Variants in APP observed in about 807,000 individuals in gnomAD.
APP encodes the protein amyloid-beta precursor protein.
APP carries 31 observed loss-of-function variants against 101.4 expected under a neutral mutation model. The ratio of observed to expected loss-of-function variants is 0.31; its 90% CI spans 0.23 to 0.41. The LOEUF (loss-of-function observed/expected upper bound fraction) is 0.41. Among genes scored for constraint, APP ranks in the 10% least tolerant of loss-of-function variants. The pLI is 1.00. For synonymous variants in APP, 366 were observed against 364.4 expected, an observed-to-expected ratio of 1.00 and a Z score of -0.05; for missense variants, 839 against 1,003.7, an observed-to-expected ratio of 0.84 and a Z score of 2.22.
chr21:26,009,467 G>C (rs1263057926), intron 6 of APP: 1 of 152,124 alleles, frequency 6.6e-6, no homozygotes, highest in African/African-American at 2.4e-5. Context: ...CTGAATTCAA[G>C]TGGTATCATT....
rs1419385832 is a variant in APP at position 25,954,647 on chromosome 21, A to C, written c.1630T>G (p.Ser544Ala). The change falls in exon 13 of 18, where the codon TCT becomes GCT. Residue 544 changes from serine to alanine, a missense_variant. Ser to Ala is a moderately conservative substitution (Grantham distance 99). Transcript: ENST00000346798. ...GGCACGTTGTAGAGCAGGGAGAGAG[A>C]CTGATTCATGCGCTCATAAATCACA... ...LRVIYERMNQ[S>A]LSLLYNVPAV... is the part of the protein sequence containing the mutation. 6.2e-7 allele frequency: 1 copy of C among 1,614,114 alleles called. No individual in the cohort carries two copies. Among genetic ancestry groups the C allele is most frequent in the Admixed American group, 1.7e-5 (1 of 59,998 alleles).
intron 13 of APP, among the ~76,000 whole-genome samples, chr21:25,951,439 A>T (rs2041070894): frequency 6.6e-6 from 1 of 152,230 alleles, no homozygotes; most frequent in Non-Finnish European, 1.5e-5. Flanking sequence ...CAGATGTTTG[A>T]CTGCATTAAG....
At chr21:25,917,243 C>T (rs888538958) in intron 13 of APP, among the ~76,000 whole-genome samples, 4 of 137,240 alleles carry the variant, frequency 2.9e-5, no homozygotes, top group South Asian at 2.2e-4. Flanking sequence ...CCTAGGCAAC[C>T]GAGTAAGACT....
chr21:26,008,999 C>T (rs1278942210), intron 6 of APP, among the ~76,000 whole-genome samples: 1 of 152,202 alleles, frequency 6.6e-6, no homozygotes, highest in Non-Finnish European at 1.5e-5. Flanking sequence ...ACCTGGGACT[C>T]AGGCCCCCCA....
chr21:26,002,516 C>A (rs976468067), intron 6 of APP, among the ~76,000 whole-genome samples: 1 of 152,236 alleles, frequency 6.6e-6, no homozygotes, highest in Non-Finnish European at 1.5e-5. Flanking sequence ...ATTCATGTCA[C>A]ATGCTCTTTA....
intron 2 of APP, among the ~76,000 whole-genome samples, chr21:26,092,850 C>G (rs953618936): frequency 7.2e-5 from 11 of 152,018 alleles, no homozygotes; most frequent in Non-Finnish European, 1.5e-4. Context: ...CTCTAAAAAA[C>G]CGTCTATTTT....
intron 2 of APP, among the ~76,000 whole-genome samples, chr21:26,091,254 A>G (rs1454534980): frequency 6.6e-6 from 1 of 152,188 alleles, no homozygotes; most frequent in Non-Finnish European, 1.5e-5. Flanking sequence ...AGACACAGGT[A>G]AAAGGTGGTA....
chr21:26,096,759 G>C lies in APP; in HGVS notation c.226-6687C>G, dbSNP rs140911832. Among the ~76,000 whole-genome samples, 10 of 152,242 alleles carry C rather than the reference G, an allele frequency of 6.6e-5. No individual in the cohort carries two copies. The East Asian group carries it at 1.9e-3, about 29-fold the overall frequency. ...TCACTGCACTCCAGTCTGGGCAACAGAGTGAGACCCCGCCTCAAAAAAACA... is the reference window on the plus strand; with the variant it reads ...TCACTGCACTCCAGTCTGGGCAACACAGTGAGACCCCGCCTCAAAAAAACA... On this transcript the variant is annotated intron_variant, in intron 2 of 17. Coordinates refer to ENST00000346798, the MANE Select transcript of APP (RefSeq NM_000484.4).
chr21:25,881,855 G>GT (rs1397620355), intron 17 of APP, 84 bp from the exon 18 acceptor site: 1 of 1,334,696 alleles, frequency 7.5e-7, no homozygotes, highest in Non-Finnish European at 1.1e-6. Context: ...AAGATAAGGA[G>GT]TACAGTACTC....
At chr21:26,046,066 C>T (rs1374646971) in intron 5 of APP, among the ~76,000 whole-genome samples, 1 of 151,984 alleles carries the variant, frequency 6.6e-6, no homozygotes, top group African/African-American at 2.4e-5. Flanking sequence ...ATTCACTTCA[C>T]AGGAACAGCA....
In APP at chr21:25,999,866, C is replaced by T. The variant is rs925593914; in HGVS notation, c.1033+149G>A. Reference sequence around the variant, plus strand: ...CTCATGATTGAACATACTGCGGAGACTCTGAGCAATTAGAGAAGTGGACAG... The same window carrying T: ...CTCATGATTGAACATACTGCGGAGATTCTGAGCAATTAGAGAAGTGGACAG... On this transcript the variant is annotated intron_variant, in intron 7 of 17. Transcript: ENST00000346798. 3.3e-6 allele frequency: 3 copies of T among 907,110 alleles called. 1 individual carries two copies. Among genetic ancestry groups the T allele is most frequent in the South Asian group, 2.9e-5 (2 of 70,116 alleles). The allele number at this position is 907,110 out of a possible 1,614,324, so 56.2% of individuals were successfully genotyped here.
At chr21:25,904,780 G>A (rs1362389342) in intron 15 of APP, among the ~76,000 whole-genome samples, 3 of 151,810 alleles carry the variant, frequency 2.0e-5, no homozygotes, top group African/African-American at 7.3e-5. Flanking sequence ...AAATTTGGAA[G>A]GGCTCTCTTT....
chr21:26,041,493 C>T (rs2830023), intron 5 of APP, among the ~76,000 whole-genome samples: 37,290 of 152,136 alleles, frequency 0.25, 5,197 homozygotes, highest in South Asian at 0.37. Context: ...AGAGTCCATG[C>T]ATCAGTAGCT....
At chr21:25,983,873 A>G (rs996779516) in intron 8 of APP, among the ~76,000 whole-genome samples, 6 of 152,182 alleles carry the variant, frequency 3.9e-5, no homozygotes, top group African/African-American at 1.4e-4. Flanking sequence ...GGAAGGAAGG[A>G]AAGAGTCATG....
At chr21:26,137,958 T>C (rs2062956346) in intron 1 of APP, among the ~76,000 whole-genome samples, 1 of 152,202 alleles carries the variant, frequency 6.6e-6, no homozygotes, top group Admixed American at 6.5e-5. Flanking sequence ...AAACTCATCT[T>C]CTACTGCAGT....
chr21:25,987,117 A>T (rs1367225767), intron 8 of APP, among the ~76,000 whole-genome samples: 1 of 152,220 alleles, frequency 6.6e-6, no homozygotes, highest in Admixed American at 6.5e-5. Context: ...ATGCTTTGTT[A>T]TGATGTCCGT....
chr21:26,031,940 G>C (rs1187510743), intron 5 of APP, among the ~76,000 whole-genome samples: 2 of 152,214 alleles, frequency 1.3e-5, no homozygotes, highest in Non-Finnish European at 2.9e-5. Context: ...GAATATGCCA[G>C]GTATCTGTCC....
At chr21:26,022,932 A>T (rs2044407477) in intron 5 of APP, among the ~76,000 whole-genome samples, 1 of 146,392 alleles carries the variant, frequency 6.8e-6, no homozygotes, top group Admixed American at 6.8e-5. Flanking sequence ...AACTGACTTA[A>T]GTAAACCTGC....
At chr21:26,017,450 A>G (rs1457025876) in intron 6 of APP, among the ~76,000 whole-genome samples, 1 of 151,846 alleles carries the variant, frequency 6.6e-6, no homozygotes, top group Non-Finnish European at 1.5e-5. Flanking sequence ...TTAAAGGGCA[A>G]GAGTGGTGAC....
Sources: allele counts gnomAD v4.1 joint callset (sites outside exome capture counted in the v4.1 genomes callset), GRCh38; gene constraint gnomAD v4.1.1; transcripts MANE v1.5; gene names NCBI Gene and HGNC (gene_info 2026-07-23, HGNC 2026-07-21).